ADGRE3: variants seen among roughly 807,000 people sequenced by gnomAD.
The protein encoded by ADGRE3 is EGF-like module receptor 3.
A neutral mutation model predicts 80.1 loss-of-function variants in ADGRE3; 88 were observed. The ratio of observed to expected loss-of-function variants is 1.10; its 90% confidence interval spans 0.93 to 1.31. ADGRE3 has a LOEUF of 1.31. ADGRE3 is among the 40% of genes most tolerant of loss of function. ADGRE3 has a pLI of 0.00. For missense variants in ADGRE3, 715 were observed against 776.5 expected, an observed-to-expected ratio of 0.92 and a Z score of 0.94; for synonymous variants, 281 against 294.8, an observed-to-expected ratio of 0.95 and a Z score of 0.48.
At chr19:14,650,949 T>A (rs1971589091) in intron 7 of ADGRE3, 136 bp downstream of exon 7, 32 of 914,280 alleles carry the variant, frequency 3.5e-5, no homozygotes, top group Middle Eastern at 3.3e-4. Flanking sequence ...TTTTTTTTTT[T>A]AAAGGGAAAA....
chr19:14,663,350 G>T, intron 3 of ADGRE3, 68 bp downstream of exon 3: 1 of 1,052,144 alleles, frequency 9.5e-7, no homozygotes, highest in Non-Finnish European at 1.2e-6. Flanking sequence ...GGGCAACAGA[G>T]CAAGACCCTG....
downstream of ADGRE3, among the ~76,000 whole-genome samples, chr19:14,616,839 G>A (rs575465616): frequency 5.5e-5 from 8 of 145,716 alleles, no homozygotes; most frequent in South Asian, 1.7e-3. Context: ...TTGTTGCCCA[G>A]TCTGGAGTGC....
chr19:14,641,663 A>T, intron 9 of ADGRE3, 47 bp from the exon 10 acceptor site: 1 of 1,597,514 alleles, frequency 6.3e-7, no homozygotes, highest in Non-Finnish European at 8.5e-7. Context: ...CTGCACTGGG[A>T]TTATGGCTCC....
At chr19:14,660,380 A>G (rs1971911215) in intron 4 of ADGRE3, among the ~76,000 whole-genome samples, 1 of 152,208 alleles carries the variant, frequency 6.6e-6, no homozygotes, top group Admixed American at 6.5e-5. Context: ...TAATCCCAGC[A>G]CTTTGGGAGG....
intron 11 of ADGRE3, among the ~76,000 whole-genome samples, chr19:14,637,448 T>C (rs8104137): frequency 0.37 from 54,811 of 149,998 alleles, 10,852 homozygotes; most frequent in East Asian, 0.62. Flanking sequence ...GGCTGGAATG[T>C]AGTGGCCTGA....
chr19:14,612,894 A>G, the ADGRE3 span, among the ~76,000 whole-genome samples: 11 of 151,872 alleles, frequency 7.2e-5, no homozygotes, highest in African/African-American at 2.7e-4. Context: ...AATTGCATCC[A>G]AGGGTGGGTA....
intron 2 of ADGRE3, among the ~76,000 whole-genome samples, chr19:14,667,898 T>G (rs1303218325): frequency 6.6e-6 from 1 of 152,190 alleles, no homozygotes; most frequent in Non-Finnish European, 1.5e-5. Context: ...ACCTTCATAA[T>G]GTTGTGGAAC....
the ADGRE3 span, among the ~76,000 whole-genome samples, chr19:14,609,068 G>A: frequency 6.6e-6 from 1 of 152,084 alleles, no homozygotes; most frequent in Non-Finnish European, 1.5e-5. Flanking sequence ...CCAAAGTGCT[G>A]GGATTACAGG....
chr19:14,600,220 G>T, the ADGRE3 span: 7 of 1,605,988 alleles, frequency 4.4e-6, no homozygotes, highest in Non-Finnish European at 6.0e-6. Context: ...AACCTTCAGG[G>T]ACAGCCTGCT....
intron 2 of ADGRE3, 63 bp from the exon 3 acceptor site, chr19:14,663,603 GC>G (rs1972015752): frequency 6.5e-7 from 1 of 1,543,598 alleles, no homozygotes; most frequent in Non-Finnish European, 8.8e-7. Context: ...TTATAATTAG[GC>G]CCTGCCTCTT....
chr19:14,635,126 T>C (rs1468680326), intron 11 of ADGRE3, among the ~76,000 whole-genome samples: 2 of 152,180 alleles, frequency 1.3e-5, no homozygotes, highest in African/African-American at 4.8e-5. Context: ...GAGTTGGATC[T>C]TGCTCTGTCA....
chr19:14,607,535 G>GTTTTA, the ADGRE3 span, among the ~76,000 whole-genome samples: 83 of 149,034 alleles, frequency 5.6e-4, no homozygotes, highest in Admixed American at 6.7e-4. Flanking sequence ...AGCTCTACTT[G>GTTTTA]TTTTATTTTA....
chr19:14,620,995 G>T (rs1340095952), intron 15 of ADGRE3, among the ~76,000 whole-genome samples: 1 of 151,842 alleles, frequency 6.6e-6, no homozygotes, highest in African/African-American at 2.4e-5. Flanking sequence ...TTTTACTCTT[G>T]TTGAGAATAA....
intron 9 of ADGRE3, 121 bp from the exon 10 acceptor site, chr19:14,641,737 C>A: frequency 1.7e-6 from 2 of 1,207,868 alleles, no homozygotes; most frequent in Non-Finnish European, 2.4e-6. Context: ...GACCGTTAGA[C>A]TGCTAATGTA....
the ADGRE3 span, among the ~76,000 whole-genome samples, chr19:14,603,303 C>G: frequency 6.6e-6 from 1 of 152,116 alleles, no homozygotes; most frequent in Non-Finnish European, 1.5e-5. Context: ...TTACTCCAAA[C>G]TGGTATCTAC....
chr19:14,617,609 G>T (rs1488770378), downstream of ADGRE3, among the ~76,000 whole-genome samples: 3 of 151,636 alleles, frequency 2.0e-5, no homozygotes, highest in African/African-American at 7.3e-5. Flanking sequence ...CATTGGATAG[G>T]CTGGTCTCGA....
At chr19:14,629,703 C>A (rs1266536807) in intron 14 of ADGRE3, among the ~76,000 whole-genome samples, 1 of 151,996 alleles carries the variant, frequency 6.6e-6, no homozygotes, top group African/African-American at 2.4e-5. Flanking sequence ...GACCTGTAGA[C>A]CCCAGAATAA....
chr19:14,600,414 T>C, the ADGRE3 span, among the ~76,000 whole-genome samples: 7 of 152,206 alleles, frequency 4.6e-5, no homozygotes, highest in African/African-American at 7.2e-5. Flanking sequence ...ACATTTCAAG[T>C]ATCGGTTTTA....
intron 8 of ADGRE3, 43 bp downstream of exon 8, chr19:14,647,138 C>T (rs750651026): frequency 1.3e-6 from 2 of 1,548,240 alleles, no homozygotes; most frequent in Non-Finnish European, 1.8e-6. Flanking sequence ...GTTTGGCCTG[C>T]CTCCTTGAGA....
Sources: gnomAD v4.1 joint callset for allele counts (sites outside exome capture counted in the v4.1 genomes callset) on GRCh38, gnomAD v4.1.1 for gene constraint, MANE v1.5 for transcripts, NCBI Gene and HGNC (gene_info 2026-07-23, HGNC 2026-07-21) for gene names.